The following PTPRD variants were observed in gnomAD, a reference collection of about 807,000 sequenced individuals.
PTPRD encodes the protein protein tyrosine phosphatase receptor type D.
A neutral mutation model predicts 214.5 loss-of-function variants in PTPRD; 34 were observed. The ratio of observed to expected loss-of-function variants is 0.16; its 90% CI spans 0.12 to 0.21. The LOEUF (loss-of-function observed/expected upper bound fraction) is 0.21, where lower values mean the gene tolerates loss of function less well. PTPRD is among the 10% of genes least tolerant of loss of function. PTPRD has a pLI of 1.00. For synonymous variants in PTPRD, 1,128 were observed against 845.7 expected, an observed-to-expected ratio of 1.33 and a Z score of -5.79; for missense variants, 2,545 against 2,398.7, an observed-to-expected ratio of 1.06 and a Z score of -1.27.
intron 3 of PTPRD, among the ~76,000 whole-genome samples, chr9:10,287,006 A>C (rs1001726783): frequency 1.3e-5 from 2 of 152,218 alleles, no homozygotes; most frequent in African/African-American, 4.8e-5. Context: ...ATGCAAAAGT[A>C]AAGTTAGAGC....
intron 9 of PTPRD, among the ~76,000 whole-genome samples, chr9:9,335,268 C>G (rs2043981072): frequency 6.6e-6 from 1 of 152,034 alleles, no homozygotes. Flanking sequence ...AGTTGAATTA[C>G]TCATCACCAA....
chr9:8,724,731 T>G (rs1001292687), intron 12 of PTPRD, among the ~76,000 whole-genome samples: 7 of 151,754 alleles, frequency 4.6e-5, no homozygotes, highest in Admixed American at 3.9e-4. Flanking sequence ...CCCAGGATTC[T>G]GAGACCAGCC....
intron 10 of PTPRD, among the ~76,000 whole-genome samples, chr9:9,091,620 T>C (rs1242053913): frequency 6.6e-6 from 1 of 152,180 alleles, no homozygotes; most frequent in Non-Finnish European, 1.5e-5. Flanking sequence ...CAGTAAGTAT[T>C]TGTGGAATGA....
At chr9:8,848,180 G>C (rs552277943) in intron 11 of PTPRD, among the ~76,000 whole-genome samples, 1 of 151,800 alleles carries the variant, frequency 6.6e-6, no homozygotes, top group African/African-American at 2.4e-5. Flanking sequence ...GAAAAAAAAG[G>C]TCATCGAATC....
chr9:8,365,530 A>G (rs2079604710), intron 39 of PTPRD, among the ~76,000 whole-genome samples: 1 of 152,098 alleles, frequency 6.6e-6, no homozygotes, highest in Non-Finnish European at 1.5e-5. Flanking sequence ...GGGGAGGGAA[A>G]TTCACATTGT....
intron 3 of PTPRD, among the ~76,000 whole-genome samples, chr9:10,078,563 A>G (rs1415648463): frequency 3.4e-5 from 5 of 148,932 alleles, no homozygotes; most frequent in African/African-American, 4.9e-5. Flanking sequence ...ATATAATCCT[A>G]TGTAGCCCTC....
chr9:8,762,928 C>A (rs1252506209), intron 11 of PTPRD, among the ~76,000 whole-genome samples: 1 of 152,154 alleles, frequency 6.6e-6, no homozygotes, highest in Non-Finnish European at 1.5e-5. Context: ...CATCTCCCAG[C>A]ATGGGATGGA....
intron 3 of PTPRD, among the ~76,000 whole-genome samples, chr9:10,213,248 A>G (rs894643712): frequency 6.6e-6 from 1 of 152,178 alleles, no homozygotes; most frequent in Admixed American, 6.6e-5. Context: ...ATGGCAGAGT[A>G]AGCAAGTCAA....
At chr9:9,795,683 G>C (rs1205195815) in intron 5 of PTPRD, among the ~76,000 whole-genome samples, 1 of 151,996 alleles carries the variant, frequency 6.6e-6, no homozygotes, top group African/African-American at 2.4e-5. Context: ...ATTTCTTTGT[G>C]GTAGGACAAA....
At chr9:10,232,112 T>C (rs2099613517) in intron 3 of PTPRD, among the ~76,000 whole-genome samples, 2 of 151,448 alleles carry the variant, frequency 1.3e-5, no homozygotes, top group Admixed American at 6.6e-5. Flanking sequence ...TTTGACCTTC[T>C]ATCATATTTT....
At chr9:9,777,439 A>G (rs2154486838) in intron 5 of PTPRD, among the ~76,000 whole-genome samples, 1 of 152,300 alleles carries the variant, frequency 6.6e-6, no homozygotes, top group South Asian at 2.1e-4. Flanking sequence ...TAATGCTTGT[A>G]ATCCCAGCCA....
Position 9,485,095 on chromosome 9 carries a change from T to C in PTPRD, c.-236-87613A>G, listed in dbSNP as rs375872607. Among the ~76,000 whole-genome samples the C allele has an allele frequency of 5.3e-5, 8 of 152,326 alleles. No individual in the cohort carries two copies. In the East Asian group the frequency reaches 9.7e-4, roughly 18 times the overall value. ...CCTCTTGCAGTTTTTGAAAGATCAA[T>C]GGATGTTCAAATGTGTCAAACAGCT... is the stretch of plus-strand genomic sequence containing the variant. On this transcript the variant is annotated intron_variant, in intron 8 of 45. Transcript: ENST00000381196.
chr9:8,367,900 A>G (rs1458477091), intron 39 of PTPRD, among the ~76,000 whole-genome samples: 1 of 152,206 alleles, frequency 6.6e-6, no homozygotes, highest in Non-Finnish European at 1.5e-5. Context: ...TATGAAAGAA[A>G]TACCACTATT....
intron 5 of PTPRD, among the ~76,000 whole-genome samples, chr9:9,879,226 C>A (rs1229867253): frequency 6.6e-6 from 1 of 152,148 alleles, no homozygotes; most frequent in Non-Finnish European, 1.5e-5. Context: ...GGTTTTTCAA[C>A]CTCCTTAGTA....
chr9:10,473,430 A>G (rs757807079), intron 2 of PTPRD, among the ~76,000 whole-genome samples: 5 of 152,236 alleles, frequency 3.3e-5, no homozygotes, highest in Non-Finnish European at 7.4e-5. Context: ...TTAATTGACA[A>G]TAGTGAACTT....
rs869096131 is a variant in PTPRD, at chr9:9,976,689, C to CAA, written c.-471-38081_-471-38080dup. On this transcript the variant is annotated intron_variant, in intron 4 of 45. Transcript: ENST00000381196. ...GGTGTGAGCCACTACACCCTGCCAC[C>CAA]AAAAAAAAAAAAAAAAAAAAAAATT... 1.4e-3 allele frequency among the ~76,000 whole-genome samples: 89 copies of CAA among 63,230 alleles called. 2 individuals are homozygous for CAA. The highest frequency in any genetic ancestry group is 5.5e-3 in the South Asian group (7 of 1,280). 41.5% of individuals were successfully genotyped at this position (63,230 alleles called of 152,430 possible). A position where few individuals can be genotyped will look rare whatever the true frequency, so the allele number is the denominator to read the frequency against.
intron 3 of PTPRD, among the ~76,000 whole-genome samples, chr9:10,132,322 G>A (rs1000484736): frequency 2.6e-5 from 4 of 151,798 alleles, no homozygotes; most frequent in African/African-American, 9.7e-5. Flanking sequence ...TTATTCTAAG[G>A]CAAATAGATT....
chr9:10,087,024 T>C (rs2098351777), intron 3 of PTPRD, among the ~76,000 whole-genome samples: 1 of 151,876 alleles, frequency 6.6e-6, no homozygotes, highest in Non-Finnish European at 1.5e-5. Flanking sequence ...TGCTGACGAT[T>C]GAACTAATCT....
intron 2 of PTPRD, among the ~76,000 whole-genome samples, chr9:10,544,174 T>G (rs1054203783): frequency 1.3e-5 from 2 of 152,170 alleles, no homozygotes; most frequent in Non-Finnish European, 2.9e-5. Context: ...ATAAGGTTTC[T>G]GAGATAAACA....
Sources: gnomAD v4.1 joint callset for allele counts (sites outside exome capture counted in the v4.1 genomes callset) on GRCh38, gnomAD v4.1.1 for gene constraint, MANE v1.5 for transcripts, NCBI Gene and HGNC (gene_info 2026-07-23, HGNC 2026-07-21) for gene names.